Variants in GLI3 observed in about 807,000 individuals in gnomAD.
GLI3 encodes transcription activator GLI3.
In GLI3, 20 loss-of-function variants were observed where a neutral mutation model predicts 100.8. That is an observed-to-expected ratio of 0.20 (90% confidence interval 0.14 to 0.29). GLI3 has a LOEUF of 0.29. Among genes scored for constraint, GLI3 ranks in the 10% least tolerant of loss-of-function variants. GLI3 has a pLI of 1.00. For synonymous variants in GLI3, 938 were observed against 860.5 expected (o/e 1.09, Z -1.58); for missense variants, 2,040 against 2,128.5 (o/e 0.96, Z 0.82).
At chr7:42,164,332 C>T (rs1787194895) in intron 2 of GLI3, among the ~76,000 whole-genome samples, 1 of 151,508 alleles carries the variant, frequency 6.6e-6, no homozygotes, top group South Asian at 2.1e-4. Context: ...AACAACTGGG[C>T]AACATGGTGA....
At chr7:42,168,483 T>C (rs992668081) in intron 2 of GLI3, among the ~76,000 whole-genome samples, 1 of 152,190 alleles carries the variant, frequency 6.6e-6, no homozygotes, top group African/African-American at 2.4e-5. Context: ...GATTCATAAA[T>C]TGTGATATAG....
At chr7:41,978,886 A>T in intron 10 of GLI3, 138 bp from the exon 11 acceptor site, 1 of 800,546 alleles carries the variant, frequency 1.2e-6, no homozygotes, top group Non-Finnish European at 2.0e-6. Context: ...ATTACAGATT[A>T]TAAAAATTCC....
intron 3 of GLI3, among the ~76,000 whole-genome samples, chr7:42,094,824 C>T (rs1415316486): frequency 2.6e-5 from 4 of 152,130 alleles, no homozygotes; most frequent in African/African-American, 7.2e-5. Context: ...TTCCCAAAAG[C>T]CTAATAAGCC....
intron 2 of GLI3, among the ~76,000 whole-genome samples, chr7:42,172,195 T>C (rs1787387380): frequency 6.6e-6 from 1 of 152,100 alleles, no homozygotes; most frequent in Non-Finnish European, 1.5e-5. Flanking sequence ...GTTCTCTTCA[T>C]AAGAGAAGTT....
intron 2 of GLI3, among the ~76,000 whole-genome samples, chr7:42,173,152 G>C (rs570517911): frequency 6.6e-6 from 1 of 152,190 alleles, no homozygotes; most frequent in Non-Finnish European, 1.5e-5. Flanking sequence ...AATACTTGAT[G>C]CCTGGCTGAC....
intron 6 of GLI3, among the ~76,000 whole-genome samples, chr7:42,042,770 C>T (rs932078325): frequency 8.5e-5 from 13 of 152,164 alleles, no homozygotes; most frequent in Non-Finnish European, 1.3e-4. Flanking sequence ...TGGCTGGAAC[C>T]TTTCCTCTCT....
chr7:42,200,813 A>T (rs1158483181), intron 2 of GLI3, among the ~76,000 whole-genome samples: 4 of 151,950 alleles, frequency 2.6e-5, no homozygotes, highest in African/African-American at 9.6e-5. Context: ...CAGAAAAAAA[A>T]AATAGGCATT....
At position 41,967,070 on chromosome 7, in the gene GLI3, G is replaced by A. The variant is rs1208829426; in HGVS notation, c.2432-429C>T. ...GGTACTCCACGAGTTTCACATTCAC[G>A]CTCAGGGCGTCCTGTTCATGCCACA... On this transcript the variant is annotated intron_variant, in intron 14 of 14. Coordinates refer to ENST00000395925, the MANE Select transcript of GLI3 (RefSeq NM_000168.6). Among the ~76,000 whole-genome samples the A allele has an allele frequency of 2.0e-5, 3 of 152,200 alleles. No homozygotes were observed. The East Asian group carries it at 5.8e-4, about 29-fold the overall frequency.
intron 3 of GLI3, among the ~76,000 whole-genome samples, chr7:42,082,835 G>A (rs1785025548): frequency 6.6e-6 from 1 of 152,092 alleles, no homozygotes; most frequent in African/African-American, 2.4e-5. Flanking sequence ...AAGAGTATAT[G>A]CTATAGGAGG....
chr7:41,993,520 T>C (rs954827553), intron 10 of GLI3, among the ~76,000 whole-genome samples: 2 of 152,100 alleles, frequency 1.3e-5, no homozygotes, highest in African/African-American at 4.8e-5. Flanking sequence ...ACACTATAAT[T>C]TACTGACTGA....
intron 10 of GLI3, among the ~76,000 whole-genome samples, chr7:42,009,148 A>G (rs1277128878): frequency 6.6e-6 from 1 of 152,206 alleles, no homozygotes; most frequent in Non-Finnish European, 1.5e-5. Context: ...TAACACAACC[A>G]TCTTCCTCTG....
intron 2 of GLI3, among the ~76,000 whole-genome samples, chr7:42,193,697 T>C (rs1277778894): frequency 6.6e-6 from 1 of 152,096 alleles, no homozygotes; most frequent in Non-Finnish European, 1.5e-5. Context: ...TTACCTGTGG[T>C]TTTCTCATGG....
chr7:42,252,622 G>C (rs553369370), intron 1 of GLI3, among the ~76,000 whole-genome samples: 53 of 152,276 alleles, frequency 3.5e-4, no homozygotes, highest in Middle Eastern at 3.4e-3. Flanking sequence ...TATGATGCTT[G>C]CTGAGAAAGC....
At position 41,965,423 on chromosome 7, in the gene GLI3, C is replaced by G. The variant is rs759635709; in HGVS notation, c.3650G>C (p.Gly1217Ala). Residue 1217 changes from glycine to alanine, a missense_variant, in exon 15 of 15, where the codon GGG becomes GCG. By Grantham distance (60) the Gly-to-Ala change is moderately conservative (BLOSUM62 0). Coordinates refer to ENST00000395925, the MANE Select transcript of GLI3 (RefSeq NM_000168.6). ...GCCACCGTAGGGGTTGCTGTTCTCCCCGAGGGTCTGATAGCCCCCAGCAGG... is the reference window on the plus strand; with the variant it reads ...GCCACCGTAGGGGTTGCTGTTCTCCGCGAGGGTCTGATAGCCCCCAGCAGG... The part of the protein sequence containing the change: ...SGPAGGYQTL[G>A]ENSNPYGGPE... 32 of 1,607,964 alleles carry G rather than the reference C, an allele frequency of 2.0e-5. 1 individual carries two copies. In the South Asian group the frequency reaches 3.5e-4, roughly 18 times the overall value.
At chr7:41,977,431 A>G (rs1373545044) in intron 12 of GLI3, 127 bp downstream of exon 12, 2 of 920,612 alleles carry the variant, frequency 2.2e-6, no homozygotes, top group Non-Finnish European at 3.5e-6. Flanking sequence ...CTGCAGGGGC[A>G]GAGCCCCTCA....
At chr7:41,988,169 G>C (rs1787881154) in intron 10 of GLI3, among the ~76,000 whole-genome samples, 1 of 152,138 alleles carries the variant, frequency 6.6e-6, no homozygotes, top group Admixed American at 6.6e-5. Context: ...TGTATTAAGA[G>C]ATGGGGCCTT....
chr7:42,225,986 G>C (rs762462652), intron 1 of GLI3, among the ~76,000 whole-genome samples: 1 of 152,138 alleles, frequency 6.6e-6, no homozygotes. Flanking sequence ...ACTCTGCAGC[G>C]TCTTGAATTT....
At chr7:42,216,971 A>C (rs529843971) in intron 2 of GLI3, among the ~76,000 whole-genome samples, 24 of 152,218 alleles carry the variant, frequency 1.6e-4, no homozygotes, top group Non-Finnish European at 2.9e-4. Context: ...GCTTTATTCT[A>C]CAAGTAGCTG....
Position 42,012,499 on chromosome 7 carries a change from A to G in GLI3, c.1497+10969T>C, listed in dbSNP as rs1286462424. ...GCAGTTCACGTTAAGCAATTTCACA[A>G]ATCAGTAGGACCTAGACCATTGCTC... On this transcript the variant is annotated intron_variant, in intron 10 of 14. Transcript: ENST00000395925. Among the ~76,000 whole-genome samples the G allele has an allele frequency of 5.3e-5, 8 of 152,152 alleles. No individual in the cohort carries two copies. The East Asian group carries it at 1.2e-3, about 22-fold the overall frequency.
Sources: gnomAD v4.1 joint callset for allele counts (sites outside exome capture counted in the v4.1 genomes callset) on GRCh38, gnomAD v4.1.1 for gene constraint, MANE v1.5 for transcripts, NCBI Gene and HGNC (gene_info 2026-07-23, HGNC 2026-07-21) for gene names.